Variants in PPP1R14C observed in about 807,000 individuals in gnomAD.
The protein encoded by PPP1R14C is protein phosphatase 1 regulatory inhibitor subunit 14C.
In PPP1R14C, 16 loss-of-function variants were observed where a neutral mutation model predicts 20.4. The observed-to-expected ratio is 0.78, with a 90% CI of 0.53 to 1.19. The LOEUF (loss-of-function observed/expected upper bound fraction) is 1.19. Ranked by LOEUF, PPP1R14C falls within the 50% of genes most tolerant of loss-of-function variation. The pLI is 0.00. For missense variants in PPP1R14C, 211 were observed against 220.1 expected, an observed-to-expected ratio of 0.96 and a Z score of 0.26; for synonymous variants, 91 against 91.0, an observed-to-expected ratio of 1.00 and a Z score of 0.00.
At chr6:150,194,260 G>A (rs76470931) in intron 1 of PPP1R14C, among the ~76,000 whole-genome samples, 5,271 of 152,172 alleles carry the variant, frequency 0.035, 303 homozygotes, top group African/African-American at 0.12. Context: ...TTCTTATTTT[G>A]TTTTTTTCTC....
intron 1 of PPP1R14C, among the ~76,000 whole-genome samples, chr6:150,198,248 C>G (rs33940507): frequency 4.3e-3 from 461 of 107,394 alleles, no homozygotes; most frequent in Middle Eastern, 5.7e-3. Flanking sequence ...TGTGCCCCTG[C>G]CTGCCACGGT....
intron 3 of PPP1R14C, among the ~76,000 whole-genome samples, chr6:150,246,738 A>AT: frequency 6.6e-6 from 1 of 152,336 alleles, no homozygotes; most frequent in South Asian, 2.1e-4. Context: ...AATTTTGAAA[A>AT]GTCAGGAGCC....
At chr6:150,194,188 A>C (rs74668940) in intron 1 of PPP1R14C, among the ~76,000 whole-genome samples, 12,125 of 152,190 alleles carry the variant, frequency 0.08, 1,134 homozygotes, top group African/African-American at 0.22. Context: ...CTTTATGAAT[A>C]CCCAGTCTCG....
intron 1 of PPP1R14C, among the ~76,000 whole-genome samples, chr6:150,208,160 G>C (rs1312109755): frequency 1.3e-5 from 2 of 152,110 alleles, no homozygotes; most frequent in Non-Finnish European, 2.9e-5. Flanking sequence ...CTGTTGCCCT[G>C]GGGACCAAAT....
intron 1 of PPP1R14C, among the ~76,000 whole-genome samples, chr6:150,181,999 GT>G (rs1213744191): frequency 2.0e-5 from 3 of 151,992 alleles, no homozygotes; most frequent in African/African-American, 2.4e-5. Context: ...ATAAGAATTA[GT>G]TTTTTTTGGA....
rs1034266917 is a variant in PPP1R14C, at chr6:150,203,683, C to T, written c.307-11061C>T. On this transcript the variant is annotated intron_variant, in intron 1 of 3. Coordinates refer to ENST00000361131, the MANE Select transcript of PPP1R14C (RefSeq NM_030949.3). Reference sequence around the variant, plus strand: ...TGAGCAGTTGATAGTGCAGGGGAACCGTCTTCTCTCCAAGAATTGGCTAGA... The same window carrying T: ...TGAGCAGTTGATAGTGCAGGGGAACTGTCTTCTCTCCAAGAATTGGCTAGA... Among the ~76,000 whole-genome samples, 6 of 148,886 alleles carry T rather than the reference C, an allele frequency of 4.0e-5. No individual in the cohort carries two copies. The East Asian group carries it at 5.8e-4, about 14-fold the overall frequency.
intron 1 of PPP1R14C, among the ~76,000 whole-genome samples, chr6:150,153,923 A>G (rs1039603035): frequency 4.6e-5 from 7 of 152,248 alleles, no homozygotes; most frequent in African/African-American, 1.7e-4. Flanking sequence ...GAAAGGGGTT[A>G]TAAAAAGCTT....
rs1459712288 is a variant in PPP1R14C, at chr6:150,201,235, CT to C, written c.307-13507del. ...GTCAGGCGCTATCCCAGGCACTGCT[CT>C]TGGTCCTCCAGTATGGGGAGGCAGA... On this transcript the variant is annotated intron_variant, in intron 1 of 3. Coordinates refer to ENST00000361131, the MANE Select transcript of PPP1R14C (RefSeq NM_030949.3). This position sits in a 1 kb window ranked among gnomAD's most constrained non-coding sequence, Gnocchi z 4.2. 6.6e-6 allele frequency among the ~76,000 whole-genome samples: 1 copy of C among 152,234 alleles called. No individual in the cohort carries two copies. Among genetic ancestry groups the C allele is most frequent in the Non-Finnish European group, 1.5e-5 (1 of 68,048 alleles).
intron 1 of PPP1R14C, among the ~76,000 whole-genome samples, chr6:150,204,996 C>CT (rs10683235): frequency 0.059 from 8,435 of 143,210 alleles, 439 homozygotes; most frequent in East Asian, 0.18. Flanking sequence ...AACTCAGAGT[C>CT]TTTTTTTTTT....
At chr6:150,178,955 A>G (rs1445665526) in intron 1 of PPP1R14C, among the ~76,000 whole-genome samples, 2 of 152,124 alleles carry the variant, frequency 1.3e-5, no homozygotes, top group Admixed American at 6.5e-5. Flanking sequence ...TGATGGCTGC[A>G]TTTTTTTGCT....
intron 1 of PPP1R14C, among the ~76,000 whole-genome samples, chr6:150,184,033 G>T (rs1777650603): frequency 1.3e-5 from 2 of 152,208 alleles, no homozygotes; most frequent in South Asian, 2.1e-4. Flanking sequence ...TTTGAAGAAG[G>T]ATTAGTTGTG....
At chr6:150,248,633 A>G in intron 3 of PPP1R14C, 113 bp from the exon 4 acceptor site, 1 of 682,500 alleles carries the variant, frequency 1.5e-6, no homozygotes, top group African/African-American at 1.8e-5. Flanking sequence ...AACACATTCA[A>G]CCAAATTCAT....
chr6:150,187,944 T>C (rs1777696740), intron 1 of PPP1R14C, among the ~76,000 whole-genome samples: 1 of 152,210 alleles, frequency 6.6e-6, no homozygotes. Context: ...TTTGTTTTAA[T>C]CCCAAAGATA....
At position 150,204,560 on chromosome 6, in the gene PPP1R14C, G is replaced by GT. The variant is rs776168320; in HGVS notation, c.307-10183dup. Reference sequence around the variant, plus strand: ...CCCAGTCAACTTAGCACCCACTGAGGTCCTGTCACCATTTGTTGAGTTTGC... The same window carrying GT: ...CCCAGTCAACTTAGCACCCACTGAGGTTCCTGTCACCATTTGTTGAGTTTGC... On this transcript the variant is annotated intron_variant, in intron 1 of 3. Coordinates refer to ENST00000361131, the MANE Select transcript of PPP1R14C (RefSeq NM_030949.3). Among the ~76,000 whole-genome samples the GT allele has an allele frequency of 3.9e-5, 6 of 152,284 alleles. No individual in the cohort carries two copies. The East Asian group carries it at 9.7e-4, about 25-fold the overall frequency.
intron 1 of PPP1R14C, among the ~76,000 whole-genome samples, chr6:150,188,316 C>G (rs1353063869): frequency 6.6e-6 from 1 of 152,094 alleles, no homozygotes. Context: ...ATTAAATGAT[C>G]AGACAAATGT....
intron 1 of PPP1R14C, among the ~76,000 whole-genome samples, chr6:150,203,679 G>C (rs1472588407): frequency 6.7e-6 from 1 of 148,990 alleles, no homozygotes; most frequent in Non-Finnish European, 1.5e-5. Flanking sequence ...TAGTGCAGGG[G>C]AACCGTCTTC....
intron 3 of PPP1R14C, among the ~76,000 whole-genome samples, chr6:150,244,525 C>G (rs1778469847): frequency 1.3e-5 from 2 of 152,196 alleles, no homozygotes; most frequent in Non-Finnish European, 2.9e-5. Flanking sequence ...TTTAAAGCAG[C>G]AGCATCTGTA....
chr6:150,144,626 C>T (rs113674823), intron 1 of PPP1R14C, among the ~76,000 whole-genome samples: 391 of 152,302 alleles, frequency 2.6e-3, no homozygotes, highest in African/African-American at 9.1e-3. Context: ...CCACTAATGT[C>T]GGGTGTTCTG....
chr6:150,195,006 T>C (rs565783661), intron 1 of PPP1R14C: 440 of 985,106 alleles, frequency 4.5e-4, no homozygotes, highest in Non-Finnish European at 5.0e-4. Flanking sequence ...TGCTTTGTAC[T>C]TTACTTACAT....
Sources: gnomAD v4.1 joint callset for allele counts (sites outside exome capture counted in the v4.1 genomes callset) on GRCh38, gnomAD v4.1.1 for gene constraint, Gnocchi (gnomAD v3.1) non-coding constraint, MANE v1.5 for transcripts, NCBI Gene and HGNC (gene_info 2026-07-23, HGNC 2026-07-21) for gene names.